The following VWC2L variants were observed in gnomAD, a reference collection of about 807,000 sequenced individuals.
VWC2L encodes the protein von Willebrand factor C domain-containing protein 2-like.
A neutral mutation model predicts 21.6 loss-of-function variants in VWC2L; 10 were observed. The ratio of observed to expected loss-of-function variants is 0.46; its 90% CI spans 0.29 to 0.78. The LOEUF (loss-of-function observed/expected upper bound fraction) is 0.78. VWC2L is among the 30% of genes least tolerant of loss of function. The probability of loss-of-function intolerance (pLI) is 0.10; values close to 1 mark genes in which losing one functional copy is unlikely to be tolerated. For missense variants in VWC2L, 209 were observed against 277.1 expected (o/e 0.75, Z 1.74); for synonymous variants, 96 against 94.3 (o/e 1.02, Z -0.10).
intron 3 of VWC2L, among the ~76,000 whole-genome samples, chr2:214,519,881 A>G (rs769403332): frequency 4.6e-5 from 7 of 152,206 alleles, no homozygotes; most frequent in Non-Finnish European, 1.0e-4. Flanking sequence ...CAAGATTTAT[A>G]TATGTGCAAA....
chr2:214,508,791 G>GT (rs1689007465), intron 3 of VWC2L, among the ~76,000 whole-genome samples: 1 of 152,010 alleles, frequency 6.6e-6, no homozygotes, highest in East Asian at 1.9e-4. Context: ...GCAATTTTGT[G>GT]TTTTTTTGGT....
chr2:214,473,701 TACA>T (rs1356752060), intron 3 of VWC2L: 3 of 148,470 alleles, frequency 2.0e-5, no homozygotes, highest in Non-Finnish European at 2.9e-5. Context: ...GTTTTACACT[TACA>T]ACAACTTTAA....
At chr2:214,448,779 T>C (rs1357780054) in intron 3 of VWC2L, among the ~76,000 whole-genome samples, 1 of 152,182 alleles carries the variant, frequency 6.6e-6, no homozygotes, top group Non-Finnish European at 1.5e-5. Flanking sequence ...CAGGGCTTAA[T>C]AAACAAGAGC....
intron 3 of VWC2L, among the ~76,000 whole-genome samples, chr2:214,555,377 G>A (rs566368189): frequency 6.6e-5 from 10 of 152,184 alleles, no homozygotes; most frequent in Middle Eastern, 3.4e-3. Flanking sequence ...CTGTGCCTTC[G>A]GCCTTGGTCA....
chr2:214,476,273 A>T (rs1688517930), intron 3 of VWC2L, among the ~76,000 whole-genome samples: 1 of 152,218 alleles, frequency 6.6e-6, no homozygotes, highest in Admixed American at 6.5e-5. Context: ...TATTTCAATG[A>T]TATATATTCA....
At chr2:214,497,611 A>T (rs1434183709) in intron 3 of VWC2L, among the ~76,000 whole-genome samples, 1 of 152,134 alleles carries the variant, frequency 6.6e-6, no homozygotes, top group Non-Finnish European at 1.5e-5. Context: ...TCTGCTGTCC[A>T]TTTCTAACCC....
chr2:214,468,337 CT>C (rs574333817), intron 3 of VWC2L, among the ~76,000 whole-genome samples: 219 of 152,180 alleles, frequency 1.4e-3, no homozygotes, highest in African/African-American at 5.0e-3. Context: ...TTAATTTTAC[CT>C]TTTATGTATA....
At chr2:214,568,717 G>T (rs188290559) in intron 3 of VWC2L, among the ~76,000 whole-genome samples, 24 of 152,324 alleles carry the variant, frequency 1.6e-4, no homozygotes, top group African/African-American at 5.5e-4. Flanking sequence ...CACAACAGGT[G>T]ATTATGTTGC....
At chr2:214,541,526 G>C (rs1357438494) in intron 3 of VWC2L, among the ~76,000 whole-genome samples, 1 of 152,192 alleles carries the variant, frequency 6.6e-6, no homozygotes, top group Non-Finnish European at 1.5e-5. Context: ...TGTAATGGAA[G>C]CCTAGAAATA....
In VWC2L at chr2:214,480,864, CAAAAAAAAAAAAAA is replaced by C. The variant is rs59720596; in HGVS notation, c.520+44117_520+44130del. ...TTATTCAGAGGTCCATATGCCAAGC[CAAAAAAAAAAAAAA>C]AAAAAAAAAAGGTAGATGTATTTCT... On this transcript the variant is annotated intron_variant, in intron 3 of 3. Transcript: ENST00000312504. Among the ~76,000 whole-genome samples, 252 of 71,782 alleles carry C rather than the reference CAAAAAAAAAAAAAA, an allele frequency of 3.5e-3. 3 individuals carry two copies. The highest frequency in any genetic ancestry group is 0.013 in the African/African-American group (235 of 18,444). 47.1% of individuals were successfully genotyped at this position (71,782 alleles called of 152,430 possible).
chr2:214,554,952 C>A (rs192462630), intron 3 of VWC2L, among the ~76,000 whole-genome samples: 69 of 152,250 alleles, frequency 4.5e-4, no homozygotes, highest in Non-Finnish European at 9.4e-4. Flanking sequence ...CCTTTCCTGG[C>A]CTTTTCCTGA....
chr2:214,414,596 C>G lies in VWC2L; in HGVS notation c.390+13C>G. The G allele has an allele frequency of 6.2e-7, 1 of 1,601,452 alleles. No individual in the cohort carries two copies. Among genetic ancestry groups the G allele is most frequent in the Non-Finnish European group, 8.5e-7 (1 of 1,176,882 alleles). On this transcript the variant is annotated intron_variant, in intron 2 of 3. Coordinates refer to ENST00000312504, the MANE Select transcript of VWC2L (RefSeq NM_001080500.4). ...GGAGGAATTTAAGGTATGCGTTACC[C>G]TCCATATTTATTGAAATATCAACTT... is the stretch of plus-strand genomic sequence containing the variant.
chr2:214,552,312 C>T (rs545371140), intron 3 of VWC2L, among the ~76,000 whole-genome samples: 45 of 152,294 alleles, frequency 3.0e-4, no homozygotes, highest in South Asian at 8.3e-4. Flanking sequence ...TAAGTCCTAC[C>T]TCTGGTTACT....
At chr2:214,462,488 G>A (rs1703158111) in intron 3 of VWC2L, among the ~76,000 whole-genome samples, 1 of 152,190 alleles carries the variant, frequency 6.6e-6, no homozygotes, top group Non-Finnish European at 1.5e-5. Flanking sequence ...TGCAGTATCG[G>A]TTCTTTGTGG....
intron 3 of VWC2L, among the ~76,000 whole-genome samples, chr2:214,506,706 G>A (rs1405050369): frequency 1.5e-5 from 1 of 67,754 alleles, no homozygotes; most frequent in African/African-American, 3.3e-5. Flanking sequence ...TCGTAATATC[G>A]AGTTAGAATA....
intron 3 of VWC2L, among the ~76,000 whole-genome samples, chr2:214,523,696 G>T (rs1325071406): frequency 1.3e-5 from 2 of 152,050 alleles, no homozygotes; most frequent in Non-Finnish European, 2.9e-5. Context: ...AAACTTAACT[G>T]GTTGTGGTGG....
intron 3 of VWC2L, among the ~76,000 whole-genome samples, chr2:214,514,776 G>A (rs1377572872): frequency 1.3e-5 from 2 of 152,174 alleles, no homozygotes; most frequent in Non-Finnish European, 2.9e-5. Context: ...ACTTTTTGGT[G>A]AAAATGTGTT....
At chr2:214,491,755 G>T (rs1056048699) in intron 3 of VWC2L, among the ~76,000 whole-genome samples, 1 of 152,064 alleles carries the variant, frequency 6.6e-6, no homozygotes, top group African/African-American at 2.4e-5. Flanking sequence ...TTGCTTCTCA[G>T]CTGTATCACC....
intron 3 of VWC2L, among the ~76,000 whole-genome samples, chr2:214,455,029 T>C (rs1703035358): frequency 6.6e-6 from 1 of 152,188 alleles, no homozygotes; most frequent in South Asian, 2.1e-4. Flanking sequence ...AGGCATATTA[T>C]AGTTTTCTTT....
Sources: allele counts gnomAD v4.1 joint callset (sites outside exome capture counted in the v4.1 genomes callset), GRCh38; gene constraint gnomAD v4.1.1; transcripts MANE v1.5; gene names NCBI Gene and HGNC (gene_info 2026-07-23, HGNC 2026-07-21).